SGPP1: variants seen among roughly 807,000 people sequenced by gnomAD.
The protein encoded by SGPP1 is sphingosine-1-phosphate phosphatase 1, also known as hSPP1.
A neutral mutation model predicts 33.0 loss-of-function variants in SGPP1; 21 were observed. That is an observed-to-expected ratio of 0.64 (90% CI 0.45 to 0.92). The LOEUF (loss-of-function observed/expected upper bound fraction) is 0.92. Among genes scored for constraint, SGPP1 ranks in the 40% least tolerant of loss-of-function variants. SGPP1 has a pLI of 0.00. For missense variants in SGPP1, 543 were observed against 589.4 expected, an observed-to-expected ratio of 0.92 and a Z score of 0.81; for synonymous variants, 239 against 241.2, an observed-to-expected ratio of 0.99 and a Z score of 0.08.
chr14:63,688,883 G>A (rs917100352), intron 2 of SGPP1, among the ~76,000 whole-genome samples: 222 of 152,002 alleles, frequency 1.5e-3, no homozygotes, highest in Non-Finnish European at 2.2e-3. Flanking sequence ...CACCATGCCC[G>A]ACTAATTTTT....
intron 2 of SGPP1, among the ~76,000 whole-genome samples, chr14:63,696,244 C>T (rs1255100746): frequency 6.6e-6 from 1 of 152,208 alleles, no homozygotes; most frequent in Admixed American, 6.5e-5. Context: ...CTCTGCACTT[C>T]AGCCTGGGTG....
chr14:63,700,135 G>A (rs1247552261), intron 1 of SGPP1, among the ~76,000 whole-genome samples: 1 of 152,014 alleles, frequency 6.6e-6, no homozygotes, highest in Admixed American at 6.6e-5. Flanking sequence ...GAGTTCAAGC[G>A]ATCCACACAC....
intron 2 of SGPP1, among the ~76,000 whole-genome samples, chr14:63,696,156 C>T (rs1359552939): frequency 6.6e-6 from 1 of 151,918 alleles, no homozygotes; most frequent in Non-Finnish European, 1.5e-5. Context: ...GGCATGGTGG[C>T]ATGCACCTGT....
chr14:63,686,303 T>C lies in SGPP1; in HGVS notation c.1128A>G (p.Val376=). ...TTTTCATTACATCTCTGATTATTAG[T>C]ACAAATACCATCCCTATGAGGATCC... The part of the protein sequence containing the change: ...ILRILIGMVF[V]LIIRDVMKKI... The change falls in exon 3 of 3, where the codon GTA becomes GTG. Residue 376 remains valine (V), a synonymous_variant. Coordinates refer to ENST00000247225, the MANE Select transcript of SGPP1 (RefSeq NM_030791.4). 6.2e-7 allele frequency: 1 copy of C among 1,614,102 alleles called. No individual in the cohort carries two copies. The highest frequency in any genetic ancestry group is 8.5e-7 in the Non-Finnish European group (1 of 1,179,968).
At chr14:63,691,998 AT>A (rs773542163) in intron 2 of SGPP1, among the ~76,000 whole-genome samples, 1 of 152,234 alleles carries the variant, frequency 6.6e-6, no homozygotes, top group Non-Finnish European at 1.5e-5. Flanking sequence ...GAGTTAAGGT[AT>A]TCTTTAGACT....
At position 63,727,536 on chromosome 14, in the gene SGPP1, C is replaced by A. The variant is rs1387009232; in HGVS notation, c.409G>T (p.Glu137Ter). Residue 137 changes from glutamate to a stop codon, truncating the protein, a stop_gained, in exon 1 of 3, where the codon GAG becomes TAG. Transcript: ENST00000247225. LOFTEE classifies it high-confidence loss of function. ...PLYCLFCFGT[E>*]LGNELFYILF... is the part of the protein sequence containing the mutation. The stretch of plus-strand genomic sequence containing the variant: ...ATGTAGAAGAGTTCGTTGCCCAGCT[C>A]CGTGCCGAAGCAGAACAGGCAGTAG... 6.2e-7 allele frequency: 1 copy of A among 1,613,878 alleles called. No homozygotes were observed. Among genetic ancestry groups the A allele is most frequent in the South Asian group, 1.1e-5 (1 of 91,084 alleles).
chr14:63,710,647 A>G (rs1251874892), intron 1 of SGPP1, among the ~76,000 whole-genome samples: 1 of 152,178 alleles, frequency 6.6e-6, no homozygotes, highest in Non-Finnish European at 1.5e-5. Flanking sequence ...TTCTTTTTCT[A>G]CAGACCAGCT....
intron 1 of SGPP1, among the ~76,000 whole-genome samples, chr14:63,704,603 A>C (rs1295272242): frequency 6.6e-6 from 1 of 152,186 alleles, no homozygotes; most frequent in African/African-American, 2.4e-5. Flanking sequence ...TAATTCTAGC[A>C]CTTTGGGAGG....
rs1349568504 is a variant in SGPP1, at chr14:63,685,331, G to A, written c.*774C>T. 1 of 152,246 alleles carries A rather than the reference G, an allele frequency of 6.6e-6. No individual in the cohort carries two copies. The highest frequency in any genetic ancestry group is 1.5e-5 in the Non-Finnish European group (1 of 67,886). 9.4% of individuals were successfully genotyped at this position (152,246 alleles called of 1,614,324 possible). ...TTATTTTTACATCACAGTACACATAGCATTTCTTAATTTAGCAACGGAAAG... is the reference window on the plus strand; with the variant it reads ...TTATTTTTACATCACAGTACACATAACATTTCTTAATTTAGCAACGGAAAG... On this transcript the variant is annotated 3_prime_UTR_variant, in exon 3 of 3. Transcript: ENST00000247225.
rs530329341 is a variant in SGPP1, at chr14:63,688,738, T to C, written c.775-2082A>G. 1.1e-4 allele frequency among the ~76,000 whole-genome samples: 17 copies of C among 148,744 alleles called. No homozygotes were observed. In the East Asian group the frequency reaches 3.1e-3, roughly 27 times the overall value. ...TCTTTTTTTTTTCTTTTTTTTTTTT[T>C]TGAGATGGAGTCTCGCTCTGTTGCC... is the stretch of plus-strand genomic sequence containing the variant. On this transcript the variant is annotated intron_variant, in intron 2 of 2. Coordinates refer to ENST00000247225, the MANE Select transcript of SGPP1 (RefSeq NM_030791.4).
At chr14:63,708,677 TA>T (rs1420095367) in intron 1 of SGPP1, among the ~76,000 whole-genome samples, 1 of 152,230 alleles carries the variant, frequency 6.6e-6, no homozygotes, top group Non-Finnish European at 1.5e-5. Context: ...GAGAGGTTAG[TA>T]ATTTTTATTT....
chr14:63,725,257 C>T (rs1445431628), intron 1 of SGPP1, among the ~76,000 whole-genome samples: 2 of 152,078 alleles, frequency 1.3e-5, no homozygotes, highest in Non-Finnish European at 2.9e-5. Flanking sequence ...CGCCTGTAAT[C>T]CCAGCTACTC....
chr14:63,698,741 T>C (rs1014371567), intron 1 of SGPP1, 83 bp from the exon 2 acceptor site: 7 of 705,964 alleles, frequency 9.9e-6, no homozygotes, highest in Admixed American at 7.4e-5. Context: ...CAAATCACTA[T>C]TCTATAAAGT....
intron 1 of SGPP1, among the ~76,000 whole-genome samples, chr14:63,701,880 A>C (rs554572127): frequency 6.6e-6 from 1 of 151,678 alleles, no homozygotes; most frequent in East Asian, 1.9e-4. Flanking sequence ...AAGTCTTTAA[A>C]AACCTTTAAA....
At chr14:63,687,617 T>C (rs1370282643) in intron 2 of SGPP1, among the ~76,000 whole-genome samples, 1 of 152,200 alleles carries the variant, frequency 6.6e-6, no homozygotes, top group Non-Finnish European at 1.5e-5. Context: ...AGGGAGCCTA[T>C]ATTTAGAGGC....
At chr14:63,724,879 C>CAGGAGGCTTTCT (rs1885846097) in intron 1 of SGPP1, among the ~76,000 whole-genome samples, 1 of 144,884 alleles carries the variant, frequency 6.9e-6, no homozygotes, top group African/African-American at 2.6e-5. Flanking sequence ...GAGACTCCGT[C>CAGGAGGCTTTCT]TTAAAAAAAA....
chr14:63,709,012 TTTTAAG>T (rs1215491577), intron 1 of SGPP1, among the ~76,000 whole-genome samples: 1 of 152,212 alleles, frequency 6.6e-6, no homozygotes. Flanking sequence ...CTCAAATATA[TTTTAAG>T]TTTTTCTTAG....
intron 1 of SGPP1, among the ~76,000 whole-genome samples, chr14:63,710,080 C>T (rs1317474098): frequency 6.7e-6 from 1 of 149,752 alleles, no homozygotes; most frequent in Non-Finnish European, 1.5e-5. Context: ...GAAAGAATTT[C>T]TGTTCAATTC....
At chr14:63,695,577 A>G (rs1216063256) in intron 2 of SGPP1, among the ~76,000 whole-genome samples, 1 of 152,240 alleles carries the variant, frequency 6.6e-6, no homozygotes, top group African/African-American at 2.4e-5. Flanking sequence ...TAGATAAACA[A>G]TAACAAACAG....
Sources: allele counts gnomAD v4.1 joint callset (sites outside exome capture counted in the v4.1 genomes callset), GRCh38; gene constraint gnomAD v4.1.1; transcripts MANE v1.5; gene names NCBI Gene and HGNC (gene_info 2026-07-23, HGNC 2026-07-21).